The following PARD3 variants were observed in gnomAD, a reference collection of about 807,000 sequenced individuals.
PARD3 encodes par-3 family cell polarity regulator.
PARD3 carries 75 observed loss-of-function variants against 155.4 expected under a neutral mutation model. The ratio of observed to expected loss-of-function variants is 0.48; its 90% CI spans 0.40 to 0.58. The LOEUF (loss-of-function observed/expected upper bound fraction) is 0.58. PARD3 is among the 20% of genes least tolerant of loss of function. PARD3 has a pLI of 0.00. For missense variants in PARD3, 1,642 were observed against 1,721.7 expected (o/e 0.95, Z 0.82); for synonymous variants, 576 against 610.5 (o/e 0.94, Z 0.83).
At chr10:34,555,130 G>A (rs1369214085) in intron 2 of PARD3, among the ~76,000 whole-genome samples, 1 of 152,174 alleles carries the variant, frequency 6.6e-6, no homozygotes, top group Non-Finnish European at 1.5e-5. Context: ...TGATGATGAT[G>A]TGTCCATGTA....
At chr10:34,428,103 G>A (rs1053623354) in intron 5 of PARD3, among the ~76,000 whole-genome samples, 1 of 152,100 alleles carries the variant, frequency 6.6e-6, no homozygotes, top group African/African-American at 2.4e-5. Flanking sequence ...CTTCAAAATA[G>A]GACAACTAAC....
chr10:34,666,782 A>AAAAAAAAC (rs2093483379), intron 2 of PARD3, among the ~76,000 whole-genome samples: 1 of 87,932 alleles, frequency 1.1e-5, no homozygotes, highest in Admixed American at 1.1e-4. Context: ...CCCCCTAAAA[A>AAAAAAAAC]AAAAAAAAAA....
At chr10:34,318,969 T>C (rs1174568947) in intron 19 of PARD3, among the ~76,000 whole-genome samples, 4 of 151,052 alleles carry the variant, frequency 2.6e-5, no homozygotes, top group African/African-American at 9.8e-5. Context: ...TTTTTAGTAG[T>C]AGAGTTTCAC....
chr10:34,322,499 G>C (rs1019894467), intron 19 of PARD3, among the ~76,000 whole-genome samples: 3 of 152,134 alleles, frequency 2.0e-5, no homozygotes, highest in African/African-American at 7.2e-5. Flanking sequence ...GCAAGTGTTA[G>C]AGCAACTGTG....
rs1173904388 is a variant in PARD3, at chr10:34,309,548, C to CAAAAAAAAAAAAAAAAAAAAAAAAA, written c.3065+7534_3065+7558dup. Reference sequence around the variant, plus strand: ...CTCCTGCTGAGCAAGACCCTGTCTCCAAAAAAAAAAAAAAAAAAAAAAAAA... The same window carrying CAAAAAAAAAAAAAAAAAAAAAAAAA: ...CTCCTGCTGAGCAAGACCCTGTCTCCAAAAAAAAAAAAAAAAAAAAAAAAAAAAAAAAAAAAAAAAAAAAAAAAAA... On this transcript the variant is annotated intron_variant, in intron 20 of 24. Coordinates refer to ENST00000374788, the MANE Select transcript of PARD3 (RefSeq NM_001184785.2). Among the ~76,000 whole-genome samples, 5 of 64,032 alleles carry CAAAAAAAAAAAAAAAAAAAAAAAAA rather than the reference C, an allele frequency of 7.8e-5. 1 individual carries two copies. Among genetic ancestry groups the CAAAAAAAAAAAAAAAAAAAAAAAAA allele is most frequent in the East Asian group, 7.7e-4 (1 of 1,298 alleles). 42.0% of individuals were successfully genotyped at this position (64,032 alleles called of 152,430 possible). A position where few individuals can be genotyped will look rare whatever the true frequency, so the allele number is the denominator to read the frequency against.
intron 5 of PARD3, among the ~76,000 whole-genome samples, chr10:34,449,957 C>T (rs1589619760): frequency 6.6e-6 from 1 of 152,202 alleles, no homozygotes; most frequent in East Asian, 1.9e-4. Flanking sequence ...TTTGCGTCTT[C>T]AGATCCTTGG....
At chr10:34,708,477 G>A (rs541135866) in intron 1 of PARD3, among the ~76,000 whole-genome samples, 2 of 152,182 alleles carry the variant, frequency 1.3e-5, no homozygotes, top group South Asian at 4.2e-4. Context: ...CATTTTTTGA[G>A]GAAATGTATG....
intron 1 of PARD3, among the ~76,000 whole-genome samples, chr10:34,766,635 A>G: frequency 6.6e-6 from 1 of 151,686 alleles, no homozygotes; most frequent in Admixed American, 6.6e-5. Flanking sequence ...AAAAAAAAAA[A>G]AAGACCCAGA....
chr10:34,653,168 C>T (rs2093064979), intron 2 of PARD3, among the ~76,000 whole-genome samples: 1 of 152,056 alleles, frequency 6.6e-6, no homozygotes, highest in African/African-American at 2.4e-5. Context: ...TGGGCTGTTA[C>T]AAGGACTGTA....
At chr10:34,212,426 T>C (rs1288023206) in intron 22 of PARD3, among the ~76,000 whole-genome samples, 2 of 152,336 alleles carry the variant, frequency 1.3e-5, no homozygotes, top group Middle Eastern at 3.4e-3. Context: ...AAATTGGTAT[T>C]GTTATTTTGT....
chr10:34,343,702 G>A (rs529727578), intron 15 of PARD3: 1 of 984,236 alleles, frequency 1.0e-6, no homozygotes, highest in African/African-American at 1.7e-5. Context: ...CCTTAATTAT[G>A]TTTGCTAGTA....
chr10:34,555,733 T>C (rs1444749138), intron 2 of PARD3, among the ~76,000 whole-genome samples: 3 of 152,164 alleles, frequency 2.0e-5, no homozygotes, highest in Non-Finnish European at 2.9e-5. Flanking sequence ...CCCTCCATTC[T>C]CTGGGAAATA....
intron 2 of PARD3, among the ~76,000 whole-genome samples, chr10:34,637,851 T>A (rs1003018833): frequency 1.3e-5 from 2 of 152,152 alleles, no homozygotes; most frequent in Non-Finnish European, 2.9e-5. Context: ...TCCATGCACA[T>A]CAAATAATTA....
At chr10:34,180,328 A>G (rs1950216639) in intron 22 of PARD3, among the ~76,000 whole-genome samples, 1 of 152,222 alleles carries the variant, frequency 6.6e-6, no homozygotes, top group African/African-American at 2.4e-5. Flanking sequence ...TACAGGCATG[A>G]GCCAATGCGC....
chr10:34,306,510 G>A (rs1236531792), intron 20 of PARD3, among the ~76,000 whole-genome samples: 1 of 151,896 alleles, frequency 6.6e-6, no homozygotes, highest in Non-Finnish European at 1.5e-5. Flanking sequence ...TTAGCCAGGT[G>A]TGGTGGTGCA....
At chr10:34,311,352 G>A (rs1040355220) in intron 20 of PARD3, among the ~76,000 whole-genome samples, 4 of 152,064 alleles carry the variant, frequency 2.6e-5, no homozygotes, top group Admixed American at 2.0e-4. Context: ...ACAGGTGTGA[G>A]CCAATGAACC....
intron 1 of PARD3, among the ~76,000 whole-genome samples, chr10:34,713,019 GC>G (rs1451512832): frequency 6.6e-6 from 1 of 152,086 alleles, no homozygotes; most frequent in African/African-American, 2.4e-5. Flanking sequence ...GACCAGCCTG[GC>G]CAACATGGTG....
intron 22 of PARD3, among the ~76,000 whole-genome samples, chr10:34,267,504 A>G (rs1294393476): frequency 2.6e-5 from 4 of 152,210 alleles, no homozygotes; most frequent in African/African-American, 9.6e-5. Flanking sequence ...CCTAAAACCC[A>G]ACAAAAGCAA....
intron 3 of PARD3, among the ~76,000 whole-genome samples, chr10:34,512,800 A>G (rs922428346): frequency 3.9e-5 from 6 of 152,072 alleles, no homozygotes; most frequent in Non-Finnish European, 8.8e-5. Context: ...TTTCTTCTAT[A>G]CTAAGAATAC....
Sources: allele counts gnomAD v4.1 joint callset (sites outside exome capture counted in the v4.1 genomes callset), GRCh38; gene constraint gnomAD v4.1.1; transcripts MANE v1.5; gene names NCBI Gene and HGNC (gene_info 2026-07-23, HGNC 2026-07-21).